KATNIP: variants seen among roughly 807,000 people sequenced by gnomAD.
KATNIP encodes katanin interacting protein.
KATNIP carries 126 observed loss-of-function variants against 174.0 expected under a neutral mutation model. The ratio of observed to expected loss-of-function variants is 0.72; its 90% CI spans 0.63 to 0.84. The LOEUF (loss-of-function observed/expected upper bound fraction) is 0.84, where lower values mean the gene tolerates loss of function less well. Among genes scored for constraint, KATNIP ranks in the 40% least tolerant of loss-of-function variants. The probability of loss-of-function intolerance (pLI) is 0.00; values close to 1 mark genes in which losing one functional copy is unlikely to be tolerated. For missense variants in KATNIP, 1,958 were observed against 2,109.7 expected (o/e 0.93, Z 1.41); for synonymous variants, 810 against 835.7 (o/e 0.97, Z 0.53).
chr16:27,678,187 T>C (rs1335250243), intron 7 of KATNIP, among the ~76,000 whole-genome samples, 191 bp downstream of exon 7: 1 of 152,204 alleles, frequency 6.6e-6, no homozygotes, highest in Non-Finnish European at 1.5e-5. Flanking sequence ...GGCCCTGAAA[T>C]TCCAGATGGT....
At chr16:27,662,240 A>T (rs1007364959) in intron 6 of KATNIP, among the ~76,000 whole-genome samples, 4 of 150,946 alleles carry the variant, frequency 2.6e-5, no homozygotes, top group Non-Finnish European at 5.9e-5. Flanking sequence ...AGCCTAATTC[A>T]CAATTTCCTG....
Position 27,750,221 on chromosome 16 carries a change from A to G in KATNIP, c.3261A>G (p.Arg1087=). The G allele has an allele frequency of 6.2e-7, 1 of 1,614,060 alleles. No individual in the cohort carries two copies. The highest frequency in any genetic ancestry group is 1.1e-5 in the South Asian group (1 of 91,070). Residue 1087 remains arginine, a synonymous_variant, in exon 16 of 28, where the codon CGA becomes CGG. Coordinates refer to ENST00000261588, the MANE Select transcript of KATNIP (RefSeq NM_015202.5). ...NYNKSRIHSF[R]GVKDITMLLD... ...ATAAATCTCGGATACATTCCTTCCG[A>G]GGCGTGAAGGACATCACAATGCTGT...
intron 8 of KATNIP, among the ~76,000 whole-genome samples, chr16:27,688,566 G>A (rs2078605100): frequency 1.3e-5 from 2 of 152,204 alleles, no homozygotes; most frequent in African/African-American, 4.8e-5. Flanking sequence ...ACTCCAGCCT[G>A]GGCAACAGAG....
intron 22 of KATNIP, 123 bp from the exon 23 acceptor site, chr16:27,772,976 G>C: frequency 4.8e-6 from 3 of 622,226 alleles, no homozygotes; most frequent in Non-Finnish European, 8.5e-6. Context: ...TGCAATAAGA[G>C]AAAAATGTTT....
At chr16:27,699,979 C>T (rs573284463) in intron 10 of KATNIP, among the ~76,000 whole-genome samples, 3 of 152,090 alleles carry the variant, frequency 2.0e-5, no homozygotes, top group East Asian at 3.9e-4. Context: ...GGTGCAATCT[C>T]GGCTCACTAC....
chr16:27,763,619 CAAAAA>C (rs565418198), intron 19 of KATNIP, among the ~76,000 whole-genome samples: 2 of 50,704 alleles, frequency 3.9e-5, no homozygotes, highest in Admixed American at 4.4e-4. Flanking sequence ...TGTCTCAACA[CAAAAA>C]AAAAAAAAAA....
rs562645007 is a variant in KATNIP, at chr16:27,708,078, G to A, written c.1390-627G>A. ...TTCACCCAGGCTGGAATGCAGTGGT[G>A]TGAACACAGCTCACTGCAGCCTCAA... is the stretch of plus-strand genomic sequence containing the variant. On this transcript the variant is annotated intron_variant, in intron 12 of 27. Coordinates refer to ENST00000261588, the MANE Select transcript of KATNIP (RefSeq NM_015202.5). 4.5e-4 allele frequency among the ~76,000 whole-genome samples: 68 copies of A among 149,510 alleles called. No individual in the cohort carries two copies. The South Asian group carries it at 8.5e-3, about 19-fold the overall frequency.
At chr16:27,708,519 G>C (rs1360340775) in intron 12 of KATNIP, 186 bp from the exon 13 acceptor site, 2 of 560,598 alleles carry the variant, frequency 3.6e-6, no homozygotes, top group East Asian at 5.7e-5. Flanking sequence ...ATGCTTTACA[G>C]TATGAATTCA....
intron 8 of KATNIP, among the ~76,000 whole-genome samples, chr16:27,684,260 C>T (rs1055837921): frequency 6.6e-6 from 1 of 152,130 alleles, no homozygotes; most frequent in African/African-American, 2.4e-5. Flanking sequence ...GGAATCTGTC[C>T]AAGATCACAC....
chr16:27,732,882 G>A (rs2080748793), intron 14 of KATNIP, among the ~76,000 whole-genome samples: 1 of 152,240 alleles, frequency 6.6e-6, no homozygotes, highest in Non-Finnish European at 1.5e-5. Context: ...CTCTGCAGAG[G>A]TGCCAGTAAA....
At chr16:27,751,572 G>T in intron 16 of KATNIP, 147 bp from the exon 17 acceptor site, 1 of 667,720 alleles carries the variant, frequency 1.5e-6, no homozygotes, top group Non-Finnish European at 2.6e-6. Context: ...TTGCAAATCT[G>T]TGAAGACTAA....
Position 27,775,891 on chromosome 16 carries a change from A to G in KATNIP, c.4449+807A>G, listed in dbSNP as rs982950372. Among the ~76,000 whole-genome samples the G allele has an allele frequency of 3.9e-5, 6 of 152,012 alleles. No homozygotes were observed. The South Asian group carries it at 6.2e-4, about 16-fold the overall frequency. ...CTATGACGGAAGTTTTCCAAAGGCCACCCTAAAATTAGACCCCCCCTATTG... is the reference window on the plus strand; with the variant it reads ...CTATGACGGAAGTTTTCCAAAGGCCGCCCTAAAATTAGACCCCCCCTATTG... On this transcript the variant is annotated intron_variant, in intron 24 of 27. Coordinates refer to ENST00000261588, the MANE Select transcript of KATNIP (RefSeq NM_015202.5).
intron 3 of KATNIP, among the ~76,000 whole-genome samples, chr16:27,619,238 C>T (rs1049103190): frequency 6.6e-6 from 1 of 152,210 alleles, no homozygotes; most frequent in Non-Finnish European, 1.5e-5. Flanking sequence ...CCAAGCTGCT[C>T]AGCCCAGGCC....
chr16:27,568,250 C>T (rs758004947), intron 1 of KATNIP, among the ~76,000 whole-genome samples: 3 of 152,040 alleles, frequency 2.0e-5, no homozygotes, highest in Admixed American at 6.6e-5. Context: ...TTACATTGTG[C>T]GGATTCATCA....
At chr16:27,708,216 T>G (rs749493620) in intron 12 of KATNIP, among the ~76,000 whole-genome samples, 3 of 151,826 alleles carry the variant, frequency 2.0e-5, no homozygotes, top group Non-Finnish European at 2.9e-5. Flanking sequence ...AAAGACAGGA[T>G]CTCACTTTGT....
At chr16:27,609,337 T>C (rs1057432397) in intron 2 of KATNIP, among the ~76,000 whole-genome samples, 5 of 143,466 alleles carry the variant, frequency 3.5e-5, no homozygotes, top group Admixed American at 3.5e-4. Flanking sequence ...ACTATGGTGG[T>C]CAGGGGAGAC....
intron 27 of KATNIP, 144 bp downstream of exon 27, chr16:27,778,113 A>G (rs2082569536): frequency 1.2e-5 from 8 of 689,766 alleles, no homozygotes; most frequent in Non-Finnish European, 1.5e-5. Flanking sequence ...CCAAAGGCCT[A>G]GGGAGGGACT....
chr16:27,721,436 T>C (rs1381086322), intron 13 of KATNIP, 122 bp from the exon 14 acceptor site: 3 of 1,164,824 alleles, frequency 2.6e-6, no homozygotes, highest in Non-Finnish European at 3.8e-6. Flanking sequence ...GTGGCCTGGC[T>C]GTCTGCCCTG....
At chr16:27,733,056 T>C (rs567617368) in intron 14 of KATNIP, among the ~76,000 whole-genome samples, 2 of 152,358 alleles carry the variant, frequency 1.3e-5, no homozygotes, top group East Asian at 3.9e-4. Context: ...ATGTGGTTTT[T>C]GGGCCTAGCC....
Sources: allele counts gnomAD v4.1 joint callset (sites outside exome capture counted in the v4.1 genomes callset), GRCh38; gene constraint gnomAD v4.1.1; transcripts MANE v1.5; gene names NCBI Gene and HGNC (gene_info 2026-07-23, HGNC 2026-07-21).